The following SLC44A1 variants were observed in gnomAD, a reference collection of about 807,000 sequenced individuals.
SLC44A1 encodes choline transporter-like protein 1.
A neutral mutation model predicts 79.3 loss-of-function variants in SLC44A1; 26 were observed. That is an observed-to-expected ratio of 0.33 (90% CI 0.24 to 0.46). The LOEUF is 0.46. Ranked by LOEUF, SLC44A1 falls within the 20% of genes least tolerant of loss-of-function variation. The pLI, the probability that SLC44A1 is intolerant of heterozygous loss-of-function variation, is 1.00. For synonymous variants in SLC44A1, 263 were observed against 286.2 expected (o/e 0.92, Z 0.82); for missense variants, 688 against 798.1 (o/e 0.86, Z 1.66).
rs749406677 is a variant in SLC44A1 at position 105,361,254 on chromosome 9, C to G, written c.824C>G (p.Thr275Ser). ...AGAAGGTCTCCCAAAGAAACTGTTACTCCTGAGCAGCTTCAGATAGCTGAA... is the reference window on the plus strand; with the variant it reads ...AGAAGGTCTCCCAAAGAAACTGTTAGTCCTGAGCAGCTTCAGATAGCTGAA... The part of the protein sequence containing the change: ...KQRRSPKETV[T>S]PEQLQIAEDN... The change falls in exon 8 of 16, where the codon ACT becomes AGT. Residue 275 changes from threonine to serine, a missense_variant. Transcript: ENST00000374720. The G allele has an allele frequency of 4.7e-5, 76 of 1,613,728 alleles. No individual in the cohort carries two copies. The highest frequency in any genetic ancestry group is 5.9e-5 in the Non-Finnish European group (70 of 1,179,732).
chr9:105,405,599 T>C (rs1194250930), intron 15 of SLC44A1, among the ~76,000 whole-genome samples: 1 of 152,178 alleles, frequency 6.6e-6, no homozygotes, highest in East Asian at 1.9e-4. Context: ...GTTTCTGATG[T>C]GGCTTGCCAA....
At chr9:105,258,479 A>G (rs372783490) in intron 1 of SLC44A1, among the ~76,000 whole-genome samples, 1 of 152,182 alleles carries the variant, frequency 6.6e-6, no homozygotes, top group East Asian at 1.9e-4. Flanking sequence ...TTTACAGAGG[A>G]GGAAACAGAA....
At chr9:105,251,746 C>T (rs1354912598) in intron 1 of SLC44A1, among the ~76,000 whole-genome samples, 1 of 152,152 alleles carries the variant, frequency 6.6e-6, no homozygotes, top group Non-Finnish European at 1.5e-5. Flanking sequence ...TTGCTTTGCT[C>T]CCTGGCTTTT....
intron 3 of SLC44A1, among the ~76,000 whole-genome samples, chr9:105,321,912 A>G (rs940708139): frequency 6.6e-6 from 1 of 152,186 alleles, no homozygotes; most frequent in African/African-American, 2.4e-5. Flanking sequence ...TAGATTTAAT[A>G]AAGTGCCAGT....
intron 1 of SLC44A1, among the ~76,000 whole-genome samples, chr9:105,266,287 G>A (rs1829959915): frequency 6.6e-6 from 1 of 152,106 alleles, no homozygotes; most frequent in Admixed American, 6.6e-5. Flanking sequence ...ATTTAGCAGA[G>A]GGGTTTTGTG....
Position 105,244,887 on chromosome 9 carries a change from G to C in SLC44A1, c.19G>C (p.Ala7Pro). Reference protein sequence around the residue: MGCCSSASSAAQSSKRE... With the variant: MGCCSSPSSAAQSSKRE... ...CCCCGCCATGGGCTGCTGCAGCTCCGCCTCCTCCGCCGCGCAGGTGAGGGG... is the reference window on the plus strand; with the variant it reads ...CCCCGCCATGGGCTGCTGCAGCTCCCCCTCCTCCGCCGCGCAGGTGAGGGG... The change falls in exon 1 of 16, where the codon GCC (alanine) becomes CCC (proline). Residue 7 changes from alanine (A) to proline (P), a missense_variant. Transcript: ENST00000374720. 1 of 1,173,432 alleles carries C rather than the reference G, an allele frequency of 8.5e-7. No homozygotes were observed. Among genetic ancestry groups the C allele is most frequent in the Non-Finnish European group, 1.1e-6 (1 of 951,774 alleles). 72.7% of individuals were successfully genotyped at this position (1,173,432 alleles called of 1,614,324 possible).
intron 1 of SLC44A1, among the ~76,000 whole-genome samples, chr9:105,268,741 C>T (rs1032199758): frequency 2.1e-5 from 3 of 140,610 alleles, no homozygotes; most frequent in South Asian, 2.1e-4. Flanking sequence ...TCAGGTGATC[C>T]GCCCGCCTTG....
At chr9:105,339,280 A>G (rs1196440809) in intron 4 of SLC44A1, among the ~76,000 whole-genome samples, 2 of 152,210 alleles carry the variant, frequency 1.3e-5, no homozygotes, top group East Asian at 3.8e-4. Context: ...GATGTAGAGA[A>G]TCGGAACCTT....
rs558580180 is a variant in SLC44A1, at chr9:105,415,789, A to G, written c.1951-22492A>G. The stretch of plus-strand genomic sequence containing the variant: ...AGGTAGAAACAATATATACTTGAAG[A>G]ATATTGTCCTTCGATTATCTTACAT... On this transcript the variant is annotated intron_variant, in intron 15 of 15. Coordinates refer to the SLC44A1 transcript ENST00000374724. 1.5e-4 allele frequency among the ~76,000 whole-genome samples: 23 copies of G among 152,236 alleles called. No homozygotes were observed. The South Asian group carries it at 4.8e-3, about 32-fold the overall frequency.
intron 1 of SLC44A1, among the ~76,000 whole-genome samples, chr9:105,270,845 G>A (rs1830059688): frequency 6.6e-6 from 1 of 152,184 alleles, no homozygotes; most frequent in Admixed American, 6.5e-5. Flanking sequence ...TTGAATGAAT[G>A]ATGCAGTAAT....
At chr9:105,419,443 C>T (rs573600714) in intron 15 of SLC44A1, among the ~76,000 whole-genome samples, 1 of 152,288 alleles carries the variant, frequency 6.6e-6, no homozygotes, top group East Asian at 1.9e-4. Flanking sequence ...GAAAACCAGT[C>T]TTTGGAAAGA....
chr9:105,287,216 A>G (rs1165691169), intron 1 of SLC44A1, among the ~76,000 whole-genome samples: 1 of 152,030 alleles, frequency 6.6e-6, no homozygotes, highest in Non-Finnish European at 1.5e-5. Context: ...CACAGTCTGT[A>G]TGTTTATCAA....
intron 3 of SLC44A1, among the ~76,000 whole-genome samples, chr9:105,332,369 C>T (rs1350761195): frequency 6.6e-6 from 1 of 152,132 alleles, no homozygotes; most frequent in Non-Finnish European, 1.5e-5. Context: ...ATCTGCCCAC[C>T]TTGGCCTCCC....
rs139755937 is a variant in SLC44A1 at position 105,362,432 on chromosome 9, A to G, written c.901-389A>G. Among the ~76,000 whole-genome samples, 525 of 152,288 alleles carry G rather than the reference A, an allele frequency of 3.4e-3. 5 individuals are homozygous for G. The highest frequency in any genetic ancestry group is 0.012 in the African/African-American group (486 of 41,554). Reference sequence around the variant, plus strand: ...AAAGGGTGAATCTGACACAGATCCCACTTTTAAGGAGCTGTTGGTCTAATA... The same window carrying G: ...AAAGGGTGAATCTGACACAGATCCCGCTTTTAAGGAGCTGTTGGTCTAATA... On this transcript the variant is annotated intron_variant, in intron 8 of 15. Coordinates refer to ENST00000374720, the MANE Select transcript of SLC44A1 (RefSeq NM_080546.5).
chr9:105,409,554 G>A (rs924554361), intron 15 of SLC44A1, among the ~76,000 whole-genome samples: 7 of 152,204 alleles, frequency 4.6e-5, no homozygotes, highest in South Asian at 2.1e-4. Context: ...GTGTAGTGGC[G>A]TGTGCTGGTA....
At chr9:105,426,038 A>G (rs1166790091) in intron 15 of SLC44A1, among the ~76,000 whole-genome samples, 1 of 152,198 alleles carries the variant, frequency 6.6e-6, no homozygotes, top group Non-Finnish European at 1.5e-5. Context: ...TGTTCTGTGT[A>G]GGAGAATGGG....
intron 1 of SLC44A1, among the ~76,000 whole-genome samples, chr9:105,265,625 G>A (rs1333883955): frequency 6.6e-6 from 1 of 152,116 alleles, no homozygotes; most frequent in Non-Finnish European, 1.5e-5. Context: ...TTTATCTTTG[G>A]TAACTATCTG....
At chr9:105,244,939 A>T in intron 1 of SLC44A1, 35 bp downstream of exon 1, 1 of 1,126,830 alleles carries the variant, frequency 8.9e-7, no homozygotes, top group Non-Finnish European at 1.1e-6. Context: ...GCCCGCCCGG[A>T]TGCCTCCCGT....
intron 5 of SLC44A1, among the ~76,000 whole-genome samples, chr9:105,351,552 GAA>G (rs1165385389): frequency 2.4e-4 from 26 of 108,874 alleles, no homozygotes; most frequent in African/African-American, 1.1e-3. Flanking sequence ...AAGAAAGAAA[GAA>G]AGAGAGAAAG....
Sources: allele counts gnomAD v4.1 joint callset (sites outside exome capture counted in the v4.1 genomes callset), GRCh38; gene constraint gnomAD v4.1.1; transcripts MANE v1.5; gene names NCBI Gene and HGNC (gene_info 2026-07-23, HGNC 2026-07-21).